TNFRSF14: variants seen among roughly 807,000 people sequenced by gnomAD.
TNFRSF14 encodes the protein TNF receptor superfamily member 14, also known as tumor necrosis factor receptor superfamily member 14.
A neutral mutation model predicts 34.1 loss-of-function variants in TNFRSF14; 18 were observed. The observed-to-expected ratio is 0.53, with a 90% CI of 0.36 to 0.78. TNFRSF14 has a LOEUF of 0.78. Ranked by LOEUF, TNFRSF14 falls within the 30% of genes least tolerant of loss-of-function variation. The probability of loss-of-function intolerance (pLI) is 0.00; values close to 1 mark genes in which losing one functional copy is unlikely to be tolerated. For synonymous variants in TNFRSF14, 157 were observed against 153.2 expected (o/e 1.02, Z -0.18); for missense variants, 352 against 379.5 (o/e 0.93, Z 0.60).
At chr1:2,562,033 G>C (rs149326447) in intron 6 of TNFRSF14, 46 of 602,984 alleles carry the variant, frequency 7.6e-5, no homozygotes, top group African/African-American at 7.6e-4. Context: ...ACCCCTGACC[G>C]TGGAGCCCTC....
rs1334537669 is a variant in TNFRSF14, at chr1:2,561,794, G to A, written c.673G>A (p.Val225Met). 5 of 1,613,808 alleles carry A rather than the reference G, an allele frequency of 3.1e-6. No individual in the cohort carries two copies. The highest frequency in any genetic ancestry group is 1.7e-5 in the Admixed American group (1 of 60,010). ...VCSTVGLIICVKRRKPRGDVV... is the reference protein window; with the variant it reads ...VCSTVGLIICMKRRKPRGDVV... The stretch of plus-strand genomic sequence containing the variant: ...CTCCACAGTTGGCCTAATCATATGT[G>A]TGAAAAGAAGAAAGCCAAGGGGTGA... Residue 225 changes from valine (V) to methionine (M), a missense_variant, in exon 6 of 8, where the codon GTG (valine) becomes ATG (methionine). Val to Met is a conservative substitution (Grantham distance 21). Coordinates refer to ENST00000355716, the MANE Select transcript of TNFRSF14 (RefSeq NM_003820.4). The surrounding 1 kb of genome is among the most constrained non-coding windows in gnomAD (Gnocchi z 6.0).
At chr1:2,554,677 G>A (rs893487159), upstream of TNFRSF14, 3 of 152,372 alleles carry the variant, frequency 2.0e-5, no homozygotes, top group Admixed American at 6.5e-5. The surrounding 1 kb of genome is among the most constrained non-coding windows in gnomAD (Gnocchi z 4.2). Flanking sequence ...AGTCGGGGTA[G>A]GAGGGGCATG....
At chr1:2,560,136 T>A (rs1042393843) in intron 4 of TNFRSF14, among the ~76,000 whole-genome samples, 158 bp downstream of exon 4, 2 of 152,008 alleles carry the variant, frequency 1.3e-5, no homozygotes, top group Admixed American at 6.6e-5. Context: ...AGCCCTGTCC[T>A]GGAAGCAGCC....
At chr1:2,563,052 C>G (rs1392591824) in intron 7 of TNFRSF14, 96 bp from the exon 8 acceptor site, 2 of 1,589,610 alleles carry the variant, frequency 1.3e-6, no homozygotes, top group South Asian at 2.3e-5. Flanking sequence ...GGAAAGAACC[C>G]ACCCCCTCAA....
At chr1:2,557,701 C>T (rs776952388) in intron 1 of TNFRSF14, 25 bp from the exon 2 acceptor site, 4 of 1,548,010 alleles carry the variant, frequency 2.6e-6, no homozygotes, top group Admixed American at 3.6e-5. Flanking sequence ...AGGGCATCTC[C>T]CAATGCCTGT....
In TNFRSF14 at chr1:2,556,754, TC is replaced by T. The variant is rs1317772770; in HGVS notation, c.69+23del. On this transcript the variant is annotated intron_variant, in intron 1 of 7. Transcript: ENST00000355716. ...GGCTGGTGAGCCCCCGAGCCTCCTC[TC>T]CGTCTGCTCGCAGATCCCAGTTCTG... 5 of 1,573,468 alleles carry T rather than the reference TC, an allele frequency of 3.2e-6. No individual in the cohort carries two copies. In the South Asian group the frequency reaches 5.9e-5, roughly 19 times the overall value.
At chr1:2,559,264 C>A (rs1644268082) in intron 3 of TNFRSF14, 5 of 1,368,126 alleles carry the variant, frequency 3.7e-6, no homozygotes, top group Non-Finnish European at 4.8e-6. Flanking sequence ...GTTCCATGCC[C>A]CTCCCCTCTT....
chr1:2,556,811 A>G (rs1302615876), intron 1 of TNFRSF14, 78 bp downstream of exon 1: 3 of 1,395,588 alleles, frequency 2.1e-6, no homozygotes, highest in Non-Finnish European at 2.9e-6. Flanking sequence ...TCTCTTCCCC[A>G]TGCCCCTGTC....
rs1411330857 is a variant in TNFRSF14 at position 2,558,392 on chromosome 1, AC to A, written c.231del (p.Cys78AlafsTer13). ...GGGAGCTGACGGGCACAGTGTGTGA[AC>A]CCTGCCCTCCAGGCACCTACATTGC... The part of the protein sequence containing the change: ...CGELTGTVCE[P>X]CPPGTYIAHL... On this transcript the variant is annotated frameshift_variant, in exon 3 of 8. Coordinates refer to ENST00000355716, the MANE Select transcript of TNFRSF14 (RefSeq NM_003820.4). LOFTEE classifies it high-confidence loss of function. 1 of 1,613,092 alleles carries A rather than the reference AC, an allele frequency of 6.2e-7. No individual in the cohort carries two copies. The highest frequency in any genetic ancestry group is 8.5e-7 in the Non-Finnish European group (1 of 1,179,718).
At chr1:2,563,102 AG>A (rs750906816) in intron 7 of TNFRSF14, 45 bp from the exon 8 acceptor site, 2 of 1,608,308 alleles carry the variant, frequency 1.2e-6, no homozygotes, top group Non-Finnish European at 1.7e-6. Flanking sequence ...CTGGAGTCCC[AG>A]GGGGGCCTGA....
intron 3 of TNFRSF14, 196 bp downstream of exon 3, chr1:2,558,664 C>G (rs1179595412): frequency 2.5e-6 from 3 of 1,192,396 alleles, no homozygotes; most frequent in Non-Finnish European, 3.5e-6. Context: ...ACCTCTGTCT[C>G]ACCTCTCACT....
Position 2,563,512 on chromosome 1 carries a change from C to A in TNFRSF14, c.*239C>A, listed in dbSNP as rs1204998840. 1 of 564,786 alleles carries A rather than the reference C, an allele frequency of 1.8e-6. No homozygotes were observed. The highest frequency in any genetic ancestry group is 3.4e-5 in the Admixed American group (1 of 29,800). The allele number at this position is 564,786 out of a possible 1,614,324, so 35.0% of individuals were successfully genotyped here. ...CTCTGTTCTGCTGTGGCCTGAGCTCCCCAGAGTCCTGAGGAGGAGCGCCAG... is the reference window on the plus strand; with the variant it reads ...CTCTGTTCTGCTGTGGCCTGAGCTCACCAGAGTCCTGAGGAGGAGCGCCAG... On this transcript the variant is annotated 3_prime_UTR_variant, in exon 8 of 8. Coordinates refer to ENST00000355716, the MANE Select transcript of TNFRSF14 (RefSeq NM_003820.4).
At chr1:2,554,703 G>GGGGCT (rs1644189142), upstream of TNFRSF14, 1 of 152,420 alleles carries the variant, frequency 6.6e-6, no homozygotes, top group Non-Finnish European at 1.5e-5. The surrounding 1 kb of genome is among the most constrained non-coding windows in gnomAD (Gnocchi z 4.2). Flanking sequence ...AGGGGCAGGA[G>GGGGCT]GGGCTGAGTC....
intron 1 of TNFRSF14, 56 bp from the exon 2 acceptor site, chr1:2,557,670 G>GGC: frequency 7.3e-7 from 1 of 1,374,638 alleles, no homozygotes; most frequent in East Asian, 2.7e-5. Context: ...GGCCAAGCCT[G>GGC]GCAGAGCCCA....
intron 4 of TNFRSF14, 109 bp from the exon 5 acceptor site, chr1:2,560,515 C>A: frequency 1.3e-6 from 1 of 758,220 alleles, no homozygotes; most frequent in South Asian, 1.8e-5. Context: ...GTCCTCCCAT[C>A]ACCCGTAGAG....
At chr1:2,560,970 G>A (rs1644300387) in intron 5 of TNFRSF14, 1 of 492,870 alleles carries the variant, frequency 2.0e-6, no homozygotes, top group East Asian at 3.3e-5. Context: ...CCCAGAAGCA[G>A]GCCCAGAGGG....
chr1:2,555,224 T>C (rs1644196942), upstream of TNFRSF14: 1 of 152,084 alleles, frequency 6.6e-6, no homozygotes, highest in East Asian at 1.9e-4. The surrounding 1 kb of genome is among the most constrained non-coding windows in gnomAD (Gnocchi z 6.3). Flanking sequence ...TGGCCAGGAG[T>C]GCACCTGCCT....
At chr1:2,562,949 C>T in intron 7 of TNFRSF14, 53 bp downstream of exon 7, 1 of 1,551,164 alleles carries the variant, frequency 6.4e-7, no homozygotes, top group Non-Finnish European at 8.9e-7. Flanking sequence ...CACCTCCCCT[C>T]TCCCCGCTGG....
intron 7 of TNFRSF14, 119 bp downstream of exon 7, chr1:2,563,015 T>C: frequency 6.4e-7 from 1 of 1,558,360 alleles, no homozygotes; most frequent in Admixed American, 1.8e-5. Flanking sequence ...GGGTCCTGAG[T>C]CTTTCAAGTA....
Sources: allele counts gnomAD v4.1 joint callset (sites outside exome capture counted in the v4.1 genomes callset), GRCh38; gene constraint gnomAD v4.1.1; non-coding constraint Gnocchi (gnomAD v3.1); transcripts MANE v1.5; gene names NCBI Gene and HGNC (gene_info 2026-07-23, HGNC 2026-07-21).